Variants in RNASE4 observed in about 807,000 individuals in gnomAD.
RNASE4 encodes the protein ribonuclease A family member 4, also known as ribonuclease 4.
For missense variants in RNASE4, 194 were observed against 192.8 expected, an observed-to-expected ratio of 1.01 and a Z score of -0.04; for synonymous variants, 93 against 71.4, an observed-to-expected ratio of 1.30 and a Z score of -1.52.
rs772822451 is a variant in RNASE4, at chr14:20,693,729, G to A, written c.-17-5626G>A. ...ACAGATACTGTGAAAGCATCATGAG[G>A]AGACGGGGCCTGACCTCACCCTGCA... is the stretch of plus-strand genomic sequence containing the variant. On this transcript the variant is annotated intron_variant, in intron 1 of 1. Coordinates refer to ENST00000555835, the MANE Select transcript of RNASE4 (RefSeq NM_002937.5). 1 of 1,614,206 alleles carries A rather than the reference G, an allele frequency of 6.2e-7. No individual in the cohort carries two copies. The highest frequency in any genetic ancestry group is 1.7e-5 in the Admixed American group (1 of 60,028).
intron 1 of RNASE4, among the ~76,000 whole-genome samples, chr14:20,685,987 C>A (rs1886406082): frequency 6.8e-6 from 1 of 147,690 alleles, no homozygotes; most frequent in Non-Finnish European, 1.5e-5. Context: ...TTACAGTGAA[C>A]AGAGATTGCG....
intron 1 of RNASE4, chr14:20,699,151 C>G: frequency 1.8e-6 from 1 of 542,544 alleles, no homozygotes; most frequent in Non-Finnish European, 3.2e-6. Context: ...AAAGGTCTTG[C>G]TTTCAGAAAA....
At position 20,699,458 on chromosome 14, in the gene RNASE4, G is replaced by A. The variant is rs1321417956; in HGVS notation, c.87G>A (p.Gln29=). 3.1e-6 allele frequency: 5 copies of A among 1,613,976 alleles called. No homozygotes were observed. In the East Asian group the frequency reaches 8.9e-5, roughly 29 times the overall value. ...GLGLVQPSYG[Q]DGMYQRFLRQ... ...GGCTGGTCCAGCCCTCCTATGGCCA[G>A]GATGGCATGTACCAGCGATTCCTGC... Residue 29 remains glutamine (Q), a synonymous_variant, in exon 2 of 2, where the codon CAG becomes CAA. Coordinates refer to ENST00000555835, the MANE Select transcript of RNASE4 (RefSeq NM_002937.5).
At chr14:20,698,577 T>C (rs185231019) in intron 1 of RNASE4, among the ~76,000 whole-genome samples, 222 of 152,360 alleles carry the variant, frequency 1.5e-3, no homozygotes, top group Non-Finnish European at 2.2e-3. Context: ...TTATCAACTG[T>C]CTTCTAAGAA....
At chr14:20,694,150 T>A in intron 1 of RNASE4, 1 of 867,484 alleles carries the variant, frequency 1.2e-6, no homozygotes. Context: ...TTTGACAACA[T>A]GTTTAATAAA....
At chr14:20,691,656 T>C (rs1230610284) in intron 1 of RNASE4, among the ~76,000 whole-genome samples, 1 of 152,242 alleles carries the variant, frequency 6.6e-6, no homozygotes, top group Admixed American at 6.5e-5. Context: ...TATGGACAAA[T>C]GTCGGTGCGG....
chr14:20,693,085 G>A lies in RNASE4; in HGVS notation c.-17-6270G>A, dbSNP rs534124478. Among the ~76,000 whole-genome samples, 1,055 of 152,008 alleles carry A rather than the reference G, an allele frequency of 6.9e-3. 20 individuals are homozygous for A. The highest frequency in any genetic ancestry group is 0.024 in the African/African-American group (1,012 of 41,346). ...GATGGTCTCGATCTCCTGACCTCGT[G>A]ATCCGCCCGCCTTGGCCTCCCAAAG... is the stretch of plus-strand genomic sequence containing the variant. On this transcript the variant is annotated intron_variant, in intron 1 of 1. Coordinates refer to ENST00000555835, the MANE Select transcript of RNASE4 (RefSeq NM_002937.5).
intron 1 of RNASE4, chr14:20,694,269 G>A (rs1321615755): frequency 8.5e-6 from 4 of 470,742 alleles, no homozygotes; most frequent in Middle Eastern, 6.1e-4. Context: ...GACTGCATAG[G>A]ATAGAAATGC....
chr14:20,687,474 CTG>C (rs1265346746), intron 1 of RNASE4, among the ~76,000 whole-genome samples: 4 of 152,126 alleles, frequency 2.6e-5, no homozygotes, highest in Non-Finnish European at 5.9e-5. Flanking sequence ...GGCCATGGGG[CTG>C]TGTGTGTGCA....
At chr14:20,698,138 T>A (rs1887153952) in intron 1 of RNASE4, among the ~76,000 whole-genome samples, 1 of 152,176 alleles carries the variant, frequency 6.6e-6, no homozygotes, top group African/African-American at 2.4e-5. Context: ...AAGCAATGAA[T>A]GTTCTGAAAC....
intron 1 of RNASE4, among the ~76,000 whole-genome samples, chr14:20,697,762 T>C (rs1887141561): frequency 6.6e-6 from 1 of 152,080 alleles, no homozygotes; most frequent in African/African-American, 2.4e-5. Flanking sequence ...ACATACAGAG[T>C]TGGGCTGCCT....
At chr14:20,689,899 G>C (rs1429790182) in intron 1 of RNASE4, among the ~76,000 whole-genome samples, 2 of 133,500 alleles carry the variant, frequency 1.5e-5, no homozygotes, top group Admixed American at 1.6e-4. Flanking sequence ...CTGGGCGATA[G>C]AACAAGACTC....
chr14:20,689,665 C>G (rs1292247701), intron 1 of RNASE4, among the ~76,000 whole-genome samples: 1 of 152,138 alleles, frequency 6.6e-6, no homozygotes, highest in African/African-American at 2.4e-5. Flanking sequence ...ACCTGTAATC[C>G]CCGCACTTTG....
chr14:20,699,367 T>C lies in RNASE4; in HGVS notation c.-5T>C. The C allele has an allele frequency of 4.4e-6, 7 of 1,583,734 alleles. No individual in the cohort carries two copies. Among genetic ancestry groups the C allele is most frequent in the Non-Finnish European group, 6.0e-6 (7 of 1,163,412 alleles). On this transcript the variant is annotated 5_prime_UTR_variant, in exon 2 of 2. Coordinates refer to ENST00000555835, the MANE Select transcript of RNASE4 (RefSeq NM_002937.5). ...CTTTCTTTTCTAGGCACCTCTAAGA[T>C]ACTGATGGCTCTGCAGAGGACCCAT...
At chr14:20,692,612 C>T (rs1299451735) in intron 1 of RNASE4, among the ~76,000 whole-genome samples, 1 of 152,220 alleles carries the variant, frequency 6.6e-6, no homozygotes, top group Non-Finnish European at 1.5e-5. Context: ...CTAACTAATG[C>T]TTGATGATCT....
chr14:20,686,196 C>T (rs1886419057), intron 1 of RNASE4, among the ~76,000 whole-genome samples: 1 of 152,154 alleles, frequency 6.6e-6, no homozygotes, highest in African/African-American at 2.4e-5. Context: ...CCCTCCCACT[C>T]TTGTTCTATG....
intron 1 of RNASE4, among the ~76,000 whole-genome samples, chr14:20,690,310 C>A (rs1227544171): frequency 6.7e-6 from 1 of 148,996 alleles, no homozygotes; most frequent in East Asian, 2.0e-4. Context: ...AAAAAGCTGA[C>A]AGACAGTTAC....
chr14:20,685,884 A>T (rs1179663092), intron 1 of RNASE4, among the ~76,000 whole-genome samples: 1 of 152,042 alleles, frequency 6.6e-6, no homozygotes, highest in African/African-American at 2.4e-5. Context: ...TACTAAAAAT[A>T]CAAAAATTAG....
rs1167875816 is a variant in RNASE4 at position 20,700,226 on chromosome 14, G to C, written c.*411G>C. 1 of 170,724 alleles carries C rather than the reference G, an allele frequency of 5.9e-6. No homozygotes were observed. The highest frequency in any genetic ancestry group is 2.4e-5 in the African/African-American group (1 of 41,528). 10.6% of individuals were successfully genotyped at this position (170,724 alleles called of 1,614,324 possible). A position where few individuals can be genotyped will look rare whatever the true frequency, so the allele number is the denominator to read the frequency against. On this transcript the variant is annotated 3_prime_UTR_variant, in exon 2 of 2. Transcript: ENST00000555835. ...TAAGGGATTTGCTGAAGACTGTAAA[G>C]TTAATGGAAGAATTGAGACAAAAAT...
Sources: gnomAD v4.1 joint callset for allele counts (sites outside exome capture counted in the v4.1 genomes callset) on GRCh38, gnomAD v4.1.1 for gene constraint, MANE v1.5 for transcripts, NCBI Gene and HGNC (gene_info 2026-07-23, HGNC 2026-07-21) for gene names.